CCDC169: variants seen among roughly 807,000 people sequenced by gnomAD.
CCDC169 encodes coiled-coil domain containing 169.
Under a neutral mutation model 36.0 loss-of-function variants are expected in CCDC169, and 30 were observed. That is an observed-to-expected ratio of 0.83 (90% CI 0.62 to 1.13). The LOEUF is 1.13. CCDC169 is among the 50% of genes most tolerant of loss of function. The pLI is 0.00. For missense variants in CCDC169, 245 were observed against 245.9 expected (o/e 1.00, Z 0.03); for synonymous variants, 85 against 81.5 (o/e 1.04, Z -0.23).
At chr13:36,283,358 A>T in intron 4 of CCDC169, 111 bp downstream of exon 4, 1 of 1,002,530 alleles carries the variant, frequency 1.0e-6, no homozygotes, top group Non-Finnish European at 1.5e-6. Context: ...TGAACAAAAC[A>T]GTTTATTTGG....
chr13:36,246,823 AT>A (rs1872552987), intron 7 of CCDC169, among the ~76,000 whole-genome samples: 1 of 152,214 alleles, frequency 6.6e-6, no homozygotes, highest in Non-Finnish European at 1.5e-5. Context: ...CTCCATTATT[AT>A]CAAGCCTCTA....
intron 2 of CCDC169, among the ~76,000 whole-genome samples, chr13:36,284,025 G>A (rs1402469147): frequency 2.0e-5 from 3 of 151,584 alleles, no homozygotes; most frequent in Non-Finnish European, 1.5e-5. Context: ...GGGAATATCA[G>A]GACATGTTTC....
At chr13:36,284,072 C>CCATATATTTCATATATGATATTTCATATA (rs1877876521) in intron 2 of CCDC169, among the ~76,000 whole-genome samples, 1 of 151,772 alleles carries the variant, frequency 6.6e-6, no homozygotes, top group African/African-American at 2.4e-5. Flanking sequence ...TATATAATAT[C>CCATATATTTCATATATGATATTTCATATA]CATATATTTC....
chr13:36,290,426 G>A (rs1878733516), intron 2 of CCDC169, among the ~76,000 whole-genome samples: 2 of 151,980 alleles, frequency 1.3e-5, no homozygotes. Flanking sequence ...AACTAGGCAG[G>A]GCTTATTACC....
intron 4 of CCDC169, among the ~76,000 whole-genome samples, chr13:36,282,228 G>A (rs1010917937): frequency 7.2e-5 from 11 of 152,110 alleles, no homozygotes; most frequent in African/African-American, 2.4e-4. Flanking sequence ...TCCCACAAAA[G>A]CAACTAATTT....
chr13:36,266,731 T>C (rs2138537642), intron 4 of CCDC169, among the ~76,000 whole-genome samples: 1 of 152,328 alleles, frequency 6.6e-6, no homozygotes, highest in African/African-American at 2.4e-5. Flanking sequence ...GCTTGCATCA[T>C]GGCTTCTTCC....
At chr13:36,232,420 C>T (rs374322502) in intron 7 of CCDC169, among the ~76,000 whole-genome samples, 19 of 152,146 alleles carry the variant, frequency 1.2e-4, no homozygotes, top group African/African-American at 4.3e-4. Context: ...AATAAGAAAC[C>T]ACTGTTTAAT....
At chr13:36,224,940 G>A (rs1342878167), downstream of CCDC169, 1 of 151,894 alleles carries the variant, frequency 6.6e-6, no homozygotes, top group African/African-American at 2.4e-5. Context: ...CACAAAAACA[G>A]ACACAGAGAC....
intron 7 of CCDC169, among the ~76,000 whole-genome samples, chr13:36,244,874 G>A (rs1381465810): frequency 7.7e-6 from 1 of 130,388 alleles, no homozygotes; most frequent in Admixed American, 7.9e-5. Context: ...TGGCGTAATA[G>A]TTTTTCCAGG....
intron 2 of CCDC169, among the ~76,000 whole-genome samples, chr13:36,293,793 C>T (rs984428894): frequency 6.6e-6 from 1 of 152,092 alleles, no homozygotes; most frequent in Admixed American, 6.6e-5. Flanking sequence ...CCAGAGACCC[C>T]AATCAAGAAC....
At position 36,245,433 on chromosome 13, in the gene CCDC169, G is replaced by A. The variant is rs569472700; in HGVS notation, c.545+3173C>T. On this transcript the variant is annotated intron_variant, in intron 7 of 7. Coordinates refer to ENST00000239859, the MANE Select transcript of CCDC169 (RefSeq NM_001144981.3). ...TCCTGTCTCAGCCTCCCAAGCAGCT[G>A]GGACTACAGTGCACACCATCACACC... Among the ~76,000 whole-genome samples the A allele has an allele frequency of 2.0e-5, 3 of 151,948 alleles. No homozygotes were observed. The East Asian group carries it at 5.8e-4, about 29-fold the overall frequency.
chr13:36,234,536 C>T (rs567162797), intron 7 of CCDC169, among the ~76,000 whole-genome samples: 108 of 152,192 alleles, frequency 7.1e-4, no homozygotes, highest in African/African-American at 2.4e-3. Context: ...CATAATAAAA[C>T]TATCAAAAGC....
intron 6 of CCDC169, among the ~76,000 whole-genome samples, chr13:36,252,688 A>G (rs1170935): frequency 0.18 from 27,691 of 152,080 alleles, 2,626 homozygotes; most frequent in African/African-American, 0.22. Context: ...TCATTCATTC[A>G]ATGACTTCAC....
chr13:36,260,206 T>A (rs1874448303), intron 4 of CCDC169, among the ~76,000 whole-genome samples: 1 of 152,238 alleles, frequency 6.6e-6, no homozygotes, highest in Admixed American at 6.5e-5. Context: ...TGAACCCAGG[T>A]AAAATGACTC....
At chr13:36,276,144 A>G (rs1039439686) in intron 4 of CCDC169, among the ~76,000 whole-genome samples, 1 of 152,220 alleles carries the variant, frequency 6.6e-6, no homozygotes, top group Non-Finnish European at 1.5e-5. Flanking sequence ...CAAAAAGCCA[A>G]TTCATCAAAG....
chr13:36,269,472 A>G (rs1169032278), intron 4 of CCDC169, among the ~76,000 whole-genome samples: 1 of 152,216 alleles, frequency 6.6e-6, no homozygotes, highest in African/African-American at 2.4e-5. Context: ...TACAACAAAA[A>G]AAGAAAACTA....
intron 6 of CCDC169, among the ~76,000 whole-genome samples, chr13:36,252,785 C>T (rs868310759): frequency 1.1e-4 from 16 of 152,114 alleles, no homozygotes; most frequent in Middle Eastern, 3.4e-3. Context: ...AGTCATATAT[C>T]CAACTGCTCT....
chr13:36,291,225 T>G (rs1316028109), intron 2 of CCDC169, among the ~76,000 whole-genome samples: 4 of 152,204 alleles, frequency 2.6e-5, no homozygotes, highest in African/African-American at 9.6e-5. Context: ...TACACACTGT[T>G]ATGTTTCACT....
At chr13:36,227,426 G>T, downstream of CCDC169, 4 of 1,446,978 alleles carry the variant, frequency 2.8e-6, no homozygotes, top group South Asian at 6.1e-5. Flanking sequence ...GACAGCGAAG[G>T]TACAAATATG....
Sources: gnomAD v4.1 joint callset for allele counts (sites outside exome capture counted in the v4.1 genomes callset) on GRCh38, gnomAD v4.1.1 for gene constraint, MANE v1.5 for transcripts, NCBI Gene and HGNC (gene_info 2026-07-23, HGNC 2026-07-21) for gene names.